The following CPNE9 variants were observed in gnomAD, a reference collection of about 807,000 sequenced individuals.
CPNE9 encodes copine family member 9.
In CPNE9, 59 loss-of-function variants were observed where a neutral mutation model predicts 83.0. The observed-to-expected ratio is 0.71, with a 90% CI of 0.58 to 0.88. CPNE9 has a LOEUF of 0.88. Among genes scored for constraint, CPNE9 ranks in the 40% least tolerant of loss-of-function variants. CPNE9 has a pLI of 0.00. For missense variants in CPNE9, 619 were observed against 720.8 expected, an observed-to-expected ratio of 0.86 and a Z score of 1.62; for synonymous variants, 256 against 273.4, an observed-to-expected ratio of 0.94 and a Z score of 0.63.
intron 17 of CPNE9, among the ~76,000 whole-genome samples, chr3:9,719,272 G>A (rs2076713086): frequency 6.6e-6 from 1 of 152,102 alleles, no homozygotes; most frequent in African/African-American, 2.4e-5. Context: ...CAGGAGTCTT[G>A]GAACCAATCC....
chr3:9,706,244 C>A (rs529671647), intron 7 of CPNE9, among the ~76,000 whole-genome samples, 181 bp downstream of exon 7: 1 of 151,990 alleles, frequency 6.6e-6, no homozygotes, highest in Non-Finnish European at 1.5e-5. Context: ...CAGTATCAGG[C>A]CTGATATGTC....
chr3:9,706,101 G>A (rs200299439), intron 7 of CPNE9, 38 bp downstream of exon 7: 71 of 1,599,886 alleles, frequency 4.4e-5, no homozygotes, highest in Admixed American at 3.5e-4. Context: ...GTGGGGTGGG[G>A]GCTTCCAAAT....
chr3:9,718,954 A>G (rs2076710544), intron 17 of CPNE9, among the ~76,000 whole-genome samples: 1 of 148,932 alleles, frequency 6.7e-6, no homozygotes, highest in African/African-American at 2.5e-5. Flanking sequence ...CTCCTGCCTC[A>G]GCCTCCCAAA....
In CPNE9 at chr3:9,718,544, C is replaced by T. The variant is rs745817621; in HGVS notation, c.1183C>T (p.Arg395Cys). Residue 395 changes from arginine (R) to cysteine (C), a missense_variant, in exon 17 of 21, where the codon CGC becomes TGC. Coordinates refer to ENST00000383832, the MANE Select transcript of CPNE9 (RefSeq NM_153635.3). ...GCTGGAGAGCTATTTCCAGAGCCTG[C>T]GCACAGTGCAGCTCTATGGGCCCAC... ...GVLESYFQSL[R>C]TVQLYGPTYF... The T allele has an allele frequency of 1.4e-5, 22 of 1,613,568 alleles. No individual in the cohort carries two copies. In the South Asian group the frequency reaches 1.5e-4, roughly 11 times the overall value.
intron 7 of CPNE9, among the ~76,000 whole-genome samples, chr3:9,711,408 G>A (rs1264257409): frequency 1.3e-5 from 2 of 151,920 alleles, no homozygotes; most frequent in East Asian, 1.9e-4. Flanking sequence ...GAAGAGATGG[G>A]GTTTCACCAT....
In CPNE9 at chr3:9,727,303, T is replaced by G. The variant is rs370481504; in HGVS notation, c.1476+117T>G. 4.1e-4 allele frequency: 446 copies of G among 1,091,214 alleles called. 1 individual carries two copies. The highest frequency in any genetic ancestry group is 2.8e-3 in the Middle Eastern group (14 of 5,064). The allele number at this position is 1,091,214 out of a possible 1,614,324, so 67.6% of individuals were successfully genotyped here. ...TCCTACTTTTTTCCCCCGTCACTCT[T>G]TCATCCTTTCTCATTCATTGAATAC... On this transcript the variant is annotated intron_variant, in intron 20 of 20. Coordinates refer to ENST00000383832, the MANE Select transcript of CPNE9 (RefSeq NM_153635.3).
chr3:9,716,056 T>A, intron 14 of CPNE9, 21 bp downstream of exon 14: 1 of 1,600,002 alleles, frequency 6.2e-7, no homozygotes, highest in Non-Finnish European at 8.5e-7. Flanking sequence ...GGCCAAGCTC[T>A]GGGCTGAAAG....
At position 9,703,992 on chromosome 3, in the gene CPNE9, C is replaced by A. The variant is rs1029013418; in HGVS notation, c.-5C>A. 10 of 1,603,098 alleles carry A rather than the reference C, an allele frequency of 6.2e-6. No homozygotes were observed. The East Asian group carries it at 2.2e-4, about 36-fold the overall frequency. The stretch of plus-strand genomic sequence containing the variant: ...CCTCCTGCGGCTCTGGTCGCCCGAC[C>A]AGCCATGTCTCTCGGCGGAGCCTCC... On this transcript the variant is annotated 5_prime_UTR_variant, in exon 1 of 21. Coordinates refer to ENST00000383832, the MANE Select transcript of CPNE9 (RefSeq NM_153635.3).
At chr3:9,705,312 C>A in intron 4 of CPNE9, 152 bp from the exon 5 acceptor site, 1 of 675,192 alleles carries the variant, frequency 1.5e-6, no homozygotes, top group South Asian at 1.8e-5. Context: ...TCAGCCCACC[C>A]TGACTCCTCC....
At chr3:9,718,834 C>CTTTT (rs750687755) in intron 17 of CPNE9, among the ~76,000 whole-genome samples, 5 of 117,624 alleles carry the variant, frequency 4.3e-5, no homozygotes, top group Non-Finnish European at 7.0e-5. Context: ...GACCCCATCT[C>CTTTT]TTTTTTTTTT....
At chr3:9,709,348 C>G (rs1575118320) in intron 7 of CPNE9, among the ~76,000 whole-genome samples, 2 of 146,596 alleles carry the variant, frequency 1.4e-5, no homozygotes, top group South Asian at 2.1e-4. Context: ...GAAGAGAGGT[C>G]AAGAATAAGT....
intron 7 of CPNE9, among the ~76,000 whole-genome samples, chr3:9,710,056 G>A (rs1400803120): frequency 6.6e-6 from 1 of 151,500 alleles, no homozygotes. Context: ...GCCGGGCATA[G>A]TGTAATCCCA....
chr3:9,714,890 GTA>G (rs770455799), intron 10 of CPNE9, 22 bp from the exon 11 acceptor site: 13 of 1,607,642 alleles, frequency 8.1e-6, no homozygotes, highest in Admixed American at 3.3e-5. Context: ...CACACCTAGG[GTA>G]TGTTTATCTC....
At chr3:9,722,009 CT>C (rs1464835341) in intron 17 of CPNE9, among the ~76,000 whole-genome samples, 1 of 152,042 alleles carries the variant, frequency 6.6e-6, no homozygotes, top group East Asian at 1.9e-4. Flanking sequence ...ACCTCTGCCC[CT>C]GGGTTCAAGC....
At chr3:9,728,995 C>T (rs2076806771) in intron 20 of CPNE9, among the ~76,000 whole-genome samples, 3 of 152,038 alleles carry the variant, frequency 2.0e-5, no homozygotes, top group East Asian at 1.9e-4. Flanking sequence ...TTTTTAAAGT[C>T]ATGGAAGTGT....
intron 10 of CPNE9, 34 bp downstream of exon 10, chr3:9,713,113 C>A: frequency 1.3e-6 from 2 of 1,491,046 alleles, no homozygotes; most frequent in Non-Finnish European, 1.9e-6. Context: ...AGTAAGGAGC[C>A]AAGGACATGC....
In CPNE9 at chr3:9,726,672, C is replaced by T; in HGVS notation, c.1352C>T (p.Ser451Leu). 1 of 1,613,908 alleles carries T rather than the reference C, an allele frequency of 6.2e-7. No individual in the cohort carries two copies. Among genetic ancestry groups the T allele is most frequent in the Non-Finnish European group, 8.5e-7 (1 of 1,179,804 alleles). The change falls in exon 19 of 21, where the codon TCA becomes TTA. Residue 451 changes from serine (S) to leucine (L), a missense_variant. Ser to Leu is a moderately radical substitution (Grantham distance 145). Coordinates refer to ENST00000383832, the MANE Select transcript of CPNE9 (RefSeq NM_153635.3). ...QTKEAIVSAS[S>L]LPMSIIIVGV... ...ACCCTCTTTCCCCTACAGGCCTCCT[C>T]ATTGCCCATGTCTATCATTATCGTC... is the stretch of plus-strand genomic sequence containing the variant.
chr3:9,708,390 A>G (rs1346609194), intron 7 of CPNE9, among the ~76,000 whole-genome samples: 1 of 152,258 alleles, frequency 6.6e-6, no homozygotes, highest in African/African-American at 2.4e-5. Flanking sequence ...CCTAGAAAAG[A>G]AGACTGAGAA....
chr3:9,717,928 C>A, intron 15 of CPNE9, 101 bp from the exon 16 acceptor site: 1 of 973,248 alleles, frequency 1.0e-6, no homozygotes, highest in Non-Finnish European at 1.5e-6. Context: ...GGGTAGAGGG[C>A]AGATAAATGG....
Sources: allele counts gnomAD v4.1 joint callset (sites outside exome capture counted in the v4.1 genomes callset), GRCh38; gene constraint gnomAD v4.1.1; transcripts MANE v1.5; gene names NCBI Gene and HGNC (gene_info 2026-07-23, HGNC 2026-07-21).